The following H2BW1 variants were observed in gnomAD, a reference collection of about 807,000 sequenced individuals.
H2BW1 encodes histone H2B type W-T.
In H2BW1, 9 loss-of-function variants were observed where a neutral mutation model predicts 8.0. The ratio of observed to expected loss-of-function variants is 1.13; its 90% confidence interval spans 0.68 to 1.97. The LOEUF is 1.97. Among genes scored for constraint, H2BW1 ranks in the 30% most tolerant of loss-of-function variants. The probability of loss-of-function intolerance (pLI) is 0.00; values close to 1 mark genes in which losing one functional copy is unlikely to be tolerated. For missense variants in H2BW1, 137 were observed against 132.0 expected (o/e 1.04, Z -0.19); for synonymous variants, 58 against 54.7 (o/e 1.06, Z -0.26).
chrX:104,012,576 TGAAC>T (rs2075129036), intron 2 of H2BW1, 110 bp downstream of exon 2: 3 of 1,084,263 alleles, frequency 2.8e-6, no homozygotes, highest in Non-Finnish European at 3.7e-6. Context: ...AGCTGGAAAA[TGAAC>T]GGATTCTTGA....
At position 104,013,561 on chromosome X, in the gene H2BW1, A is replaced by C; in HGVS notation, c.16T>G (p.Ser6Ala). The stretch of plus-strand genomic sequence containing the variant: ...AGCTGTTCCTCAGAGGTCGTCTCAG[A>C]GGAAGGTCCAGCCATGGCGGAGGCA... MAGPS[S>A]ETTSEEQLIT... The change falls in exon 1 of 3, where the codon TCT becomes GCT. Residue 6 changes from serine (S) to alanine (A), a missense_variant. By Grantham distance (99) the Ser-to-Ala change is moderately conservative. Transcript: ENST00000217926. The C allele has an allele frequency of 1.7e-6, 2 of 1,211,945 alleles. No homozygotes were observed. The highest frequency in any genetic ancestry group is 1.8e-5 in the South Asian group (1 of 56,993).
At chrX:104,012,090 A>G (rs2075127871) in intron 2 of H2BW1, among the ~76,000 whole-genome samples, 1 of 112,033 alleles carries the variant, frequency 8.9e-6, no homozygotes, top group African/African-American at 3.3e-5. Flanking sequence ...ACCTATATTA[A>G]CATTAACATG....
intron 1 of H2BW1, 52 bp from the exon 2 acceptor site, chrX:104,012,800 G>T: frequency 1.7e-6 from 2 of 1,205,798 alleles, no homozygotes; most frequent in Non-Finnish European, 2.2e-6. Flanking sequence ...AAAAGGTAAA[G>T]ATCAGTGCAG....
In H2BW1 at chrX:104,013,654, G is replaced by T. The variant is rs199724832; in HGVS notation, c.-78C>A. 2 of 1,200,543 alleles carry T rather than the reference G, an allele frequency of 1.7e-6. No homozygotes were observed. Among genetic ancestry groups the T allele is most frequent in the Non-Finnish European group, 2.2e-6 (2 of 889,270 alleles). ...CGGGGAAGCCGGGGCACTTCGGTAC[G>T]CAGCATGGCTCCACGTCTCGGGCCA... On this transcript the variant is annotated 5_prime_UTR_variant, in exon 1 of 3. Coordinates refer to ENST00000217926, the MANE Select transcript of H2BW1 (RefSeq NM_001002916.5).
chrX:104,012,560 C>T (rs1556337461), intron 2 of H2BW1, 130 bp downstream of exon 2: 42 of 1,009,046 alleles, frequency 4.2e-5, no homozygotes, highest in Non-Finnish European at 2.7e-6. Context: ...ATCTCAGAGT[C>T]GAGGAAGCTG....
At chrX:104,013,099 C>T (rs1556337632) in intron 1 of H2BW1, 71 bp downstream of exon 1, 14 of 1,136,778 alleles carry the variant, frequency 1.2e-5, no homozygotes, top group Non-Finnish European at 3.5e-6. Context: ...CATTCAGTGG[C>T]TCTGAAAAGA....
At position 104,013,221 on chromosome X, in the gene H2BW1, G is replaced by A. The variant is rs1556337689; in HGVS notation, c.356C>T (p.Pro119Leu). The A allele has an allele frequency of 8.3e-6, 10 of 1,209,821 alleles. No homozygotes were observed. The highest frequency in any genetic ancestry group is 3.5e-5 in the South Asian group (2 of 56,683). ...CTCGGCGAGCTTGCCCATCTGCCCC[G>A]GCAGCAGCAGGCGCACAGCCATCCG... is the stretch of plus-strand genomic sequence containing the variant. ...ETRMAVRLLL[P>L]GQMGKLAESE... is the part of the protein sequence containing the mutation. Residue 119 changes from proline (P) to leucine (L), a missense_variant, in exon 1 of 3, where the codon CCG becomes CTG. By Grantham distance (98) the Pro-to-Leu change is moderately conservative. Transcript: ENST00000217926.
Position 104,013,412 on chromosome X carries a change from G to T in H2BW1, c.165C>A (p.Thr55=). The change falls in exon 1 of 3, where the codon ACC becomes ACA. Residue 55 remains threonine (T), a synonymous_variant. Transcript: ENST00000217926. ...CCTGCTTCAGCACCCGGCGGAAATA[G>T]GTGGCGAAGCTGTCCCCGCGGCAGT... is the stretch of plus-strand genomic sequence containing the variant. ...HSNCRGDSFA[T]YFRRVLKQVH... 5.8e-6 allele frequency: 7 copies of T among 1,212,475 alleles called. No homozygotes were observed. The highest frequency in any genetic ancestry group is 7.8e-6 in the Non-Finnish European group (7 of 895,689).
In H2BW1 at chrX:104,012,636, T is replaced by G. The variant is rs782443106; in HGVS notation, c.*22+54A>C. The G allele has an allele frequency of 1.4e-4, 165 of 1,205,048 alleles. No individual in the cohort carries two copies. In the South Asian group the frequency reaches 2.7e-3, roughly 19 times the overall value. ...TACACTGTAACTTGGCCTCATTTGC[T>G]TATTTACATGGATTCGTGATGGGAG... is the stretch of plus-strand genomic sequence containing the variant. On this transcript the variant is annotated intron_variant, in intron 2 of 2. Transcript: ENST00000217926.
Position 104,011,332 on chromosome X carries a change from G to A in H2BW1, c.*154C>T, listed in dbSNP as rs1240338951. The A allele has an allele frequency of 8.9e-6, 1 of 112,296 alleles. No homozygotes were observed. The highest frequency in any genetic ancestry group is 1.9e-5 in the Non-Finnish European group (1 of 53,310). 9.3% of individuals were successfully genotyped at this position (112,296 alleles called of 1,213,427 possible). On this transcript the variant is annotated 3_prime_UTR_variant, in exon 3 of 3. Coordinates refer to ENST00000217926, the MANE Select transcript of H2BW1 (RefSeq NM_001002916.5). ...TCTTTGGTTTTCAAAGTGTTGCTCC[G>A]GACATGTAGGGTCACCTGGCGGCAC...
chrX:104,013,223 C>A lies in H2BW1; in HGVS notation c.354G>T (p.Leu118=). 1 of 1,209,973 alleles carries A rather than the reference C, an allele frequency of 8.3e-7. No homozygotes were observed. ...CGGCGAGCTTGCCCATCTGCCCCGG[C>A]AGCAGCAGGCGCACAGCCATCCGGG... is the stretch of plus-strand genomic sequence containing the variant. ...WETRMAVRLL[L]PGQMGKLAES... Residue 118 remains leucine, a synonymous_variant, in exon 1 of 3, where the codon CTG becomes CTT. Coordinates refer to ENST00000217926, the MANE Select transcript of H2BW1 (RefSeq NM_001002916.5).
chrX:104,013,605 G>T lies in H2BW1; in HGVS notation c.-29C>A, dbSNP rs150354147. Reference sequence around the variant, plus strand: ...GGAGGCAGTGGCCATTAGATGGCACGACCAGACAATGGCGGTTGTGGACCG... The same window carrying T: ...GGAGGCAGTGGCCATTAGATGGCACTACCAGACAATGGCGGTTGTGGACCG... On this transcript the variant is annotated 5_prime_UTR_variant, in exon 1 of 3. The change creates a premature stop within an existing upstream ORF in the 5' untranslated region. Coordinates refer to ENST00000217926, the MANE Select transcript of H2BW1 (RefSeq NM_001002916.5). The T allele has an allele frequency of 5.8e-6, 7 of 1,209,412 alleles. No individual in the cohort carries two copies. The highest frequency in any genetic ancestry group is 1.8e-5 in the South Asian group (1 of 56,551).
chrX:104,013,174 G>A lies in H2BW1; in HGVS notation c.403C>T (p.Leu135Phe). 7 of 1,202,352 alleles carry A rather than the reference G, an allele frequency of 5.8e-6. No individual in the cohort carries two copies. Among genetic ancestry groups the A allele is most frequent in the Non-Finnish European group, 6.7e-6 (6 of 890,361 alleles). Residue 135 changes from leucine to phenylalanine, a missense_variant, in exon 1 of 3, where the codon CTC becomes TTC. Leu to Phe is a conservative substitution (Grantham distance 22, BLOSUM62 0). Coordinates refer to ENST00000217926, the MANE Select transcript of H2BW1 (RefSeq NM_001002916.5). ...LAESEGTKAV[L>F]RTSLYAIQQQ... ...GCGCACTTGCTCCTGGTGTACCTGA[G>A]GACAGCCTTCGTGCCTTCGGACTCG...
In H2BW1 at chrX:104,011,209, C is replaced by CA. The variant is rs2075125766; in HGVS notation, c.*276dup. 2 of 112,530 alleles carry CA rather than the reference C, an allele frequency of 1.8e-5. No individual in the cohort carries two copies. The highest frequency in any genetic ancestry group is 1.9e-4 in the Admixed American group (2 of 10,641). 9.3% of individuals were successfully genotyped at this position (112,530 alleles called of 1,213,427 possible). A position where few individuals can be genotyped will look rare whatever the true frequency, so the allele number is the denominator to read the frequency against. On this transcript the variant is annotated 3_prime_UTR_variant, in exon 3 of 3. Coordinates refer to ENST00000217926, the MANE Select transcript of H2BW1 (RefSeq NM_001002916.5). ...AAAGACTGGCGCTTTAAAGCGAAAACAATTAGCATAATGAGAAATAAGTCA... is the reference window on the plus strand; with the variant it reads ...AAAGACTGGCGCTTTAAAGCGAAAACAAATTAGCATAATGAGAAATAAGTCA...
chrX:104,013,104 A>G lies in H2BW1; in HGVS notation c.407+66T>C, dbSNP rs1414310547. The G allele has an allele frequency of 4.4e-6, 5 of 1,146,504 alleles. No homozygotes were observed. In the East Asian group the frequency reaches 1.5e-4, roughly 34 times the overall value. 94.5% of individuals were successfully genotyped at this position (1,146,504 alleles called of 1,213,427 possible). A position where few individuals can be genotyped will look rare whatever the true frequency, so the allele number is the denominator to read the frequency against. ...TTTCAGGCCACATTCAGTGGCTCTGAAAAGACCCTTTGGGTTCCCGTGGTG... is the reference window on the plus strand; with the variant it reads ...TTTCAGGCCACATTCAGTGGCTCTGGAAAGACCCTTTGGGTTCCCGTGGTG... On this transcript the variant is annotated intron_variant, in intron 1 of 2. Coordinates refer to ENST00000217926, the MANE Select transcript of H2BW1 (RefSeq NM_001002916.5).
intron 1 of H2BW1, 30 bp from the exon 2 acceptor site, chrX:104,012,778 G>C (rs371462046): frequency 1.5e-5 from 18 of 1,208,849 alleles, no homozygotes; most frequent in South Asian, 5.3e-5. Flanking sequence ...AGTCACAGGA[G>C]AATGAGACAG....
Position 104,013,417 on chromosome X carries a change from C to G in H2BW1, c.160G>C (p.Ala54Pro). 1 of 1,212,191 alleles carries G rather than the reference C, an allele frequency of 8.2e-7. No individual in the cohort carries two copies. Among genetic ancestry groups the G allele is most frequent in the Non-Finnish European group, 1.1e-6 (1 of 895,626 alleles). Residue 54 changes from alanine (A) to proline (P), a missense_variant, in exon 1 of 3, where the codon GCC (alanine) becomes CCC (proline). Physicochemically the swap from Ala to Pro is conservative, Grantham distance 27. Transcript: ENST00000217926. ...TTCAGCACCCGGCGGAAATAGGTGG[C>G]GAAGCTGTCCCCGCGGCAGTTGGAG... ...CHSNCRGDSF[A>P]TYFRRVLKQV...
rs782775068 is a variant in H2BW1, at chrX:104,013,612, C to T, written c.-36G>A. 1.9e-5 allele frequency: 23 copies of T among 1,208,939 alleles called. No individual in the cohort carries two copies. Among genetic ancestry groups the T allele is most frequent in the Non-Finnish European group, 2.5e-5 (22 of 894,501 alleles). The stretch of plus-strand genomic sequence containing the variant: ...GTGGCCATTAGATGGCACGACCAGA[C>T]AATGGCGGTTGTGGACCGGGGAAGC... On this transcript the variant is annotated 5_prime_UTR_variant, in exon 1 of 3. Coordinates refer to ENST00000217926, the MANE Select transcript of H2BW1 (RefSeq NM_001002916.5).
At chrX:104,013,046 TCCGGTGGTGTC>T in intron 1 of H2BW1, 113 bp downstream of exon 1, 1 of 989,833 alleles carries the variant, frequency 1.0e-6, no homozygotes, top group Admixed American at 3.0e-5. Flanking sequence ...CACCCCAGCC[TCCGGTGGTGTC>T]CCCCTTGGCG....
Sources: allele counts gnomAD v4.1 joint callset (sites outside exome capture counted in the v4.1 genomes callset), GRCh38; gene constraint gnomAD v4.1.1; transcripts MANE v1.5; gene names NCBI Gene and HGNC (gene_info 2026-07-23, HGNC 2026-07-21).